Variants in ERBB4 observed in about 807,000 individuals in gnomAD.
The protein encoded by ERBB4 is erb-b2 receptor tyrosine kinase 4.
In ERBB4, 42 loss-of-function variants were observed where a neutral mutation model predicts 158.0. The observed-to-expected ratio is 0.27, with a 90% confidence interval of 0.21 to 0.34. The LOEUF (loss-of-function observed/expected upper bound fraction) is 0.34. Ranked by LOEUF, ERBB4 falls within the 10% of genes least tolerant of loss-of-function variation. ERBB4 has a pLI of 1.00. For missense variants in ERBB4, 1,333 were observed against 1,624.1 expected, an observed-to-expected ratio of 0.82 and a Z score of 3.08; for synonymous variants, 583 against 558.7, an observed-to-expected ratio of 1.04 and a Z score of -0.61.
At chr2:212,489,152 C>T (rs960284549) in intron 1 of ERBB4, among the ~76,000 whole-genome samples, 1 of 151,690 alleles carries the variant, frequency 6.6e-6, no homozygotes, top group African/African-American at 2.4e-5. Flanking sequence ...TAAAATAAGA[C>T]AGAATTGGCA....
chr2:212,512,211 C>G (rs943595633), intron 1 of ERBB4, among the ~76,000 whole-genome samples: 2 of 152,154 alleles, frequency 1.3e-5, no homozygotes, highest in Admixed American at 1.3e-4. Context: ...AGTTTCTACA[C>G]TACACCTTTG....
chr2:212,484,393 G>GA (rs76191711), intron 1 of ERBB4, among the ~76,000 whole-genome samples: 11,488 of 151,970 alleles, frequency 0.076, 650 homozygotes, highest in African/African-American at 0.15. Flanking sequence ...ATAGAATCTA[G>GA]AAAAAATAGA....
At chr2:211,853,106 A>G (rs1384853090) in intron 3 of ERBB4, among the ~76,000 whole-genome samples, 1 of 151,940 alleles carries the variant, frequency 6.6e-6, no homozygotes, top group Non-Finnish European at 1.5e-5. Flanking sequence ...AAGGGGGCAT[A>G]AAGAATAATA....
At chr2:211,405,908 C>G (rs545690729) in intron 25 of ERBB4, among the ~76,000 whole-genome samples, 1 of 152,136 alleles carries the variant, frequency 6.6e-6, no homozygotes, top group South Asian at 2.1e-4. Flanking sequence ...ACGTTAACGT[C>G]TTCCTAGTCA....
At chr2:212,293,431 C>G (rs2086281119) in intron 1 of ERBB4, among the ~76,000 whole-genome samples, 1 of 152,006 alleles carries the variant, frequency 6.6e-6, no homozygotes, top group Non-Finnish European at 1.5e-5. Context: ...AAATCACCTT[C>G]TAAAAAACTT....
intron 16 of ERBB4, among the ~76,000 whole-genome samples, chr2:211,646,287 A>T (rs190415051): frequency 2.0e-5 from 3 of 151,632 alleles, no homozygotes; most frequent in African/African-American, 7.2e-5. Context: ...TTTATTAAAA[A>T]TATATTTTAA....
At chr2:212,445,826 TAGA>T (rs2105996362) in intron 1 of ERBB4, among the ~76,000 whole-genome samples, 1 of 152,328 alleles carries the variant, frequency 6.6e-6, no homozygotes, top group Non-Finnish European at 1.5e-5. Flanking sequence ...GAATGGATAG[TAGA>T]AGAAGGTAGT....
chr2:212,238,105 T>C (rs2083946408), intron 1 of ERBB4, among the ~76,000 whole-genome samples: 1 of 152,162 alleles, frequency 6.6e-6, no homozygotes, highest in African/African-American at 2.4e-5. Context: ...CTTGCTGGTG[T>C]TTCAGGCACC....
intron 13 of ERBB4, among the ~76,000 whole-genome samples, chr2:211,677,006 T>A (rs545395773): frequency 6.6e-6 from 1 of 152,248 alleles, no homozygotes; most frequent in East Asian, 1.9e-4. Context: ...ATGCTAAAAT[T>A]TTCCTGAAAA....
chr2:211,669,029 C>G (rs1030049813), intron 14 of ERBB4, among the ~76,000 whole-genome samples: 4 of 151,806 alleles, frequency 2.6e-5, no homozygotes, highest in Non-Finnish European at 4.4e-5. Flanking sequence ...TCAAGACCAA[C>G]CTGGGCAACA....
At position 211,623,906 on chromosome 2, in the gene ERBB4, G is replaced by A. The variant is rs369220888; in HGVS notation, c.2202+16C>T. The A allele has an allele frequency of 8.1e-5, 130 of 1,613,196 alleles. 1 individual carries two copies. Among genetic ancestry groups the A allele is most frequent in the Middle Eastern group, 1.6e-4 (1 of 6,078 alleles). The stretch of plus-strand genomic sequence containing the variant: ...AAACAAAACTTAACTAACGATATGC[G>A]TTGTTTTTTACTTACTTTATAAACC... On this transcript the variant is annotated intron_variant, in intron 18 of 27. Transcript: ENST00000342788.
chr2:211,994,987 G>A (rs536346627), intron 2 of ERBB4, among the ~76,000 whole-genome samples: 1 of 152,264 alleles, frequency 6.6e-6, no homozygotes, highest in East Asian at 1.9e-4. Context: ...TCTGATGTGG[G>A]TGTTATTAAA....
intron 19 of ERBB4, among the ~76,000 whole-genome samples, chr2:211,614,578 A>G (rs2125838671): frequency 6.6e-6 from 1 of 152,186 alleles, no homozygotes; most frequent in African/African-American, 2.4e-5. Context: ...AGAATAAAAA[A>G]TCCACTATTA....
chr2:212,006,359 T>A (rs530554283), intron 2 of ERBB4, among the ~76,000 whole-genome samples: 9 of 152,232 alleles, frequency 5.9e-5, no homozygotes, highest in African/African-American at 1.7e-4. Context: ...TTAATAAAGA[T>A]TCTAAATTAA....
chr2:211,914,915 T>G (rs2079645736), intron 3 of ERBB4, among the ~76,000 whole-genome samples: 1 of 152,150 alleles, frequency 6.6e-6, no homozygotes, highest in African/African-American at 2.4e-5. Context: ...GTCTACAGAA[T>G]GTTAATATGT....
At chr2:211,782,198 T>C (rs1027328082) in intron 4 of ERBB4, among the ~76,000 whole-genome samples, 1 of 152,110 alleles carries the variant, frequency 6.6e-6, no homozygotes, top group Non-Finnish European at 1.5e-5. Context: ...CATAAAACTT[T>C]CAGAACCATT....
intron 20 of ERBB4, among the ~76,000 whole-genome samples, chr2:211,485,939 T>C (rs1451534697): frequency 1.3e-5 from 2 of 152,300 alleles, no homozygotes; most frequent in Non-Finnish European, 2.9e-5. Context: ...TTTGCATTTA[T>C]AATTTTATTT....
At chr2:211,787,877 T>A (rs1480534059) in intron 4 of ERBB4, 148 bp downstream of exon 4, 12 of 689,082 alleles carry the variant, frequency 1.7e-5, no homozygotes, top group Middle Eastern at 3.4e-4. Flanking sequence ...AAAAGGTTGA[T>A]CAGCCATTTG....
chr2:212,159,654 G>C (rs2081146998), intron 1 of ERBB4, among the ~76,000 whole-genome samples: 1 of 151,818 alleles, frequency 6.6e-6, no homozygotes, highest in Admixed American at 6.6e-5. Flanking sequence ...CCTCACTGGT[G>C]CATTAATGAA....
Sources: gnomAD v4.1 joint callset for allele counts (sites outside exome capture counted in the v4.1 genomes callset) on GRCh38, gnomAD v4.1.1 for gene constraint, MANE v1.5 for transcripts, NCBI Gene and HGNC (gene_info 2026-07-23, HGNC 2026-07-21) for gene names.